The following CDH6 variants were observed in gnomAD, a reference collection of about 807,000 sequenced individuals.
The protein encoded by CDH6 is cadherin-6.
CDH6 carries 31 observed loss-of-function variants against 78.0 expected under a neutral mutation model. The ratio of observed to expected loss-of-function variants is 0.40; its 90% confidence interval spans 0.30 to 0.54. CDH6 has a LOEUF of 0.54. Ranked by LOEUF, CDH6 falls within the 20% of genes least tolerant of loss-of-function variation. The probability of loss-of-function intolerance (pLI) is 0.56; values close to 1 mark genes in which losing one functional copy is unlikely to be tolerated. For missense variants in CDH6, 724 were observed against 975.9 expected (o/e 0.74, Z 3.44); for synonymous variants, 376 against 368.8 (o/e 1.02, Z -0.23).
In CDH6 at chr5:31,328,781, T is replaced by C. The variant is rs761572344; in HGVS notation, c.*5473T>C. 1.8e-5 allele frequency: 4 copies of C among 217,896 alleles called. No individual in the cohort carries two copies. Among genetic ancestry groups the C allele is most frequent in the Non-Finnish European group, 3.7e-5 (4 of 108,496 alleles). 13.5% of individuals were successfully genotyped at this position (217,896 alleles called of 1,614,324 possible). On this transcript the variant is annotated 3_prime_UTR_variant, in exon 12 of 12. Transcript: ENST00000265071. ...ACTCTTGTCGTTTTCCTCAGTATCG[T>C]TCATGTCTTTGGCAACAAGAACACC...
chr5:31,310,929 G>T (rs955292475), intron 7 of CDH6, among the ~76,000 whole-genome samples: 1 of 152,198 alleles, frequency 6.6e-6, no homozygotes, highest in Admixed American at 6.5e-5. Context: ...GCCTGTGAGG[G>T]AAGGGGCTGC....
At chr5:31,220,060 A>G (rs1485442184) in intron 1 of CDH6, among the ~76,000 whole-genome samples, 1 of 152,224 alleles carries the variant, frequency 6.6e-6, no homozygotes, top group Non-Finnish European at 1.5e-5. Flanking sequence ...TACATTTGTT[A>G]TTAAATTAGA....
At position 31,302,889 on chromosome 5, in the gene CDH6, A is replaced by AGG. The variant is rs1470730138; in HGVS notation, c.999+591_999+592insGG. On this transcript the variant is annotated intron_variant, in intron 6 of 11. Transcript: ENST00000265071. ...AAGAAAGGAGGGAAGGAAGGAAGGA[A>AGG]AGAAAGAAAGAAAAAAAGAAAGAAA... is the stretch of plus-strand genomic sequence containing the variant. Among the ~76,000 whole-genome samples, 717 of 137,044 alleles carry AGG rather than the reference A, an allele frequency of 5.2e-3. 16 individuals are homozygous for AGG. The highest frequency in any genetic ancestry group is 5.6e-3 in the Non-Finnish European group (359 of 64,344). The allele number at this position is 137,044 out of a possible 152,430, so 89.9% of individuals were successfully genotyped here. A position where few individuals can be genotyped will look rare whatever the true frequency, so the allele number is the denominator to read the frequency against.
In CDH6 at chr5:31,318,878, G is replaced by T. The variant is rs185621436; in HGVS notation, c.1882+954G>T. 812 of 226,798 alleles carry T rather than the reference G, an allele frequency of 3.6e-3. 3 individuals are homozygous for T. The highest frequency in any genetic ancestry group is 5.1e-3 in the Admixed American group (90 of 17,568). The allele number at this position is 226,798 out of a possible 1,614,324, so 14.0% of individuals were successfully genotyped here. On this transcript the variant is annotated intron_variant, in intron 11 of 11. Coordinates refer to ENST00000265071, the MANE Select transcript of CDH6 (RefSeq NM_004932.4). ...ATTTCACCAAGAACAGAATGCCCAG[G>T]GATCCCTGCTCTAGCGCTCCTTCAC...
At chr5:31,318,227 A>G (rs892718582) in intron 11 of CDH6, 9 of 578,946 alleles carry the variant, frequency 1.6e-5, no homozygotes, top group Admixed American at 9.0e-5. Context: ...TGCCCTTTTC[A>G]TTTCATTCGT....
At chr5:31,249,704 T>A (rs781031542) in intron 1 of CDH6, 7 of 151,148 alleles carry the variant, frequency 4.6e-5, no homozygotes, top group Non-Finnish European at 8.8e-5. Context: ...TCCATCAGGG[T>A]CTTAAATATT....
At chr5:31,289,584 T>C (rs1300289772) in intron 2 of CDH6, among the ~76,000 whole-genome samples, 1 of 152,222 alleles carries the variant, frequency 6.6e-6, no homozygotes, top group Non-Finnish European at 1.5e-5. Flanking sequence ...TTAATTTACC[T>C]TCCCACCAAC....
chr5:31,200,789 T>C (rs796184476), intron 1 of CDH6, among the ~76,000 whole-genome samples: 6 of 152,180 alleles, frequency 3.9e-5, no homozygotes, highest in African/African-American at 1.4e-4. Context: ...TGGTTGACAT[T>C]GATGAGCCAT....
chr5:31,266,615 T>C (rs1561049727), intron 1 of CDH6, among the ~76,000 whole-genome samples: 2 of 149,150 alleles, frequency 1.3e-5, no homozygotes, highest in Non-Finnish European at 3.0e-5. Context: ...ACCCATCCTA[T>C]AGTATTATTA....
chr5:31,258,128 C>A (rs1742105365), intron 1 of CDH6, among the ~76,000 whole-genome samples: 1 of 152,182 alleles, frequency 6.6e-6, no homozygotes, highest in Non-Finnish European at 1.5e-5. Context: ...CCAGCAATCT[C>A]ATTTATAGGT....
intron 1 of CDH6, among the ~76,000 whole-genome samples, chr5:31,238,073 A>G (rs1225774465): frequency 6.6e-6 from 1 of 152,236 alleles, no homozygotes; most frequent in Non-Finnish European, 1.5e-5. Context: ...AAGAAAAGAC[A>G]TTCTCTGAAA....
At chr5:31,215,219 GTAGGTATGAATAC>G (rs1466116038) in intron 1 of CDH6, among the ~76,000 whole-genome samples, 2 of 152,102 alleles carry the variant, frequency 1.3e-5, no homozygotes, top group Non-Finnish European at 2.9e-5. Flanking sequence ...ATAAACCGCT[GTAGGTATGAATAC>G]TATTCAACCT....
At chr5:31,209,744 C>A (rs748736742) in intron 1 of CDH6, among the ~76,000 whole-genome samples, 1 of 152,128 alleles carries the variant, frequency 6.6e-6, no homozygotes, top group Non-Finnish European at 1.5e-5. Context: ...AGGCTGCAAT[C>A]GATCTGTTAG....
chr5:31,253,664 C>T (rs550129872), intron 1 of CDH6, among the ~76,000 whole-genome samples: 31 of 152,238 alleles, frequency 2.0e-4, no homozygotes, highest in African/African-American at 7.2e-4. Flanking sequence ...TAGGTTTCAA[C>T]ATATAATTTT....
At chr5:31,305,752 G>C (rs1462900726) in intron 7 of CDH6, among the ~76,000 whole-genome samples, 1 of 152,118 alleles carries the variant, frequency 6.6e-6, no homozygotes, top group Non-Finnish European at 1.5e-5. Flanking sequence ...CATACTTTAA[G>C]TCATTTCTAG....
chr5:31,278,732 T>A (rs992125519), intron 2 of CDH6, among the ~76,000 whole-genome samples: 1 of 152,198 alleles, frequency 6.6e-6, no homozygotes, highest in Non-Finnish European at 1.5e-5. Flanking sequence ...TGACATTCTT[T>A]TTTTAACCAA....
chr5:31,277,014 C>T (rs1207553375), intron 2 of CDH6, among the ~76,000 whole-genome samples: 2 of 152,170 alleles, frequency 1.3e-5, no homozygotes, highest in African/African-American at 4.8e-5. Flanking sequence ...AACAGGTGAT[C>T]CCACTGATGG....
intron 1 of CDH6, among the ~76,000 whole-genome samples, chr5:31,205,419 C>A (rs558881762): frequency 1.3e-5 from 2 of 152,274 alleles, no homozygotes; most frequent in African/African-American, 2.4e-5. Context: ...CACCAGCCCT[C>A]ACCTTCCTCC....
intron 1 of CDH6, among the ~76,000 whole-genome samples, chr5:31,216,409 A>G (rs1740864727): frequency 2.0e-5 from 3 of 152,100 alleles, no homozygotes; most frequent in Admixed American, 1.3e-4. Flanking sequence ...CAACAGAAAA[A>G]CAGTATTTTA....
Sources: gnomAD v4.1 joint callset for allele counts (sites outside exome capture counted in the v4.1 genomes callset) on GRCh38, gnomAD v4.1.1 for gene constraint, MANE v1.5 for transcripts, NCBI Gene and HGNC (gene_info 2026-07-23, HGNC 2026-07-21) for gene names.